Variants in CNIH3 observed in about 807,000 individuals in gnomAD.
CNIH3 encodes cornichon family AMPA receptor auxiliary protein 3.
A neutral mutation model predicts 24.1 loss-of-function variants in CNIH3; 14 were observed. The ratio of observed to expected loss-of-function variants is 0.58; its 90% confidence interval spans 0.38 to 0.91. The LOEUF is 0.91. Ranked by LOEUF, CNIH3 falls within the 40% of genes least tolerant of loss-of-function variation. CNIH3 has a pLI of 0.00. For synonymous variants in CNIH3, 68 were observed against 73.8 expected, an observed-to-expected ratio of 0.92 and a Z score of 0.40; for missense variants, 178 against 196.8, an observed-to-expected ratio of 0.90 and a Z score of 0.57.
chr1:224,573,792 A>G (rs535285571), intron 4 of CNIH3, among the ~76,000 whole-genome samples: 2 of 152,318 alleles, frequency 1.3e-5, no homozygotes, highest in South Asian at 4.1e-4. Flanking sequence ...AATGTGTGAT[A>G]AAAAGGTAAA....
In CNIH3 at chr1:224,597,185, A is replaced by C. The variant is rs559999895; in HGVS notation, n.402+30921A>C. ...AACAAACAAACAAACAAAAAAAAAAACAAAAACCAAACCAAACAAAACAAA... is the reference window on the plus strand; with the variant it reads ...AACAAACAAACAAACAAAAAAAAAACCAAAAACCAAACCAAACAAAACAAA... On this transcript the variant is annotated intron_variant and non_coding_transcript_variant, in intron 3 of 7. Coordinates refer to the CNIH3 transcript ENST00000478120. Among the ~76,000 whole-genome samples, 21 of 149,890 alleles carry C rather than the reference A, an allele frequency of 1.4e-4. No individual in the cohort carries two copies. In the East Asian group the frequency reaches 2.0e-3, roughly 14 times the overall value.
chr1:224,591,264 T>C (rs1472302987), downstream of CNIH3, among the ~76,000 whole-genome samples: 3 of 152,222 alleles, frequency 2.0e-5, no homozygotes, highest in Non-Finnish European at 2.9e-5. Context: ...GCCACTGTTC[T>C]CTCAGTACTG....
At chr1:224,550,106 A>C (rs1165079887) in intron 3 of CNIH3, among the ~76,000 whole-genome samples, 2 of 152,204 alleles carry the variant, frequency 1.3e-5, no homozygotes, top group Non-Finnish European at 1.5e-5. Context: ...TATTATAGAA[A>C]TATCAGTGAT....
At chr1:224,642,970 A>G (rs186265559) in intron 1 of CNIH3, among the ~76,000 whole-genome samples, 7 of 152,276 alleles carry the variant, frequency 4.6e-5, no homozygotes, top group African/African-American at 1.4e-4. Flanking sequence ...GTATCTGAAC[A>G]TGCAGGCCAA....
intron 2 of CNIH3, among the ~76,000 whole-genome samples, chr1:224,533,753 G>A (rs1157688228): frequency 3.9e-5 from 6 of 152,290 alleles, no homozygotes; most frequent in Admixed American, 3.9e-4. Context: ...CTGTCATACT[G>A]CATCAAGGCT....
At chr1:224,506,450 G>GC (rs1218381073) in intron 1 of CNIH3, among the ~76,000 whole-genome samples, 1 of 152,212 alleles carries the variant, frequency 6.6e-6, no homozygotes, top group African/African-American at 2.4e-5. Flanking sequence ...CCTGCTCGAT[G>GC]CCACCCTCCT....
intron 1 of CNIH3, among the ~76,000 whole-genome samples, chr1:224,623,595 G>A (rs772305046): frequency 1.8e-4 from 28 of 152,126 alleles, no homozygotes; most frequent in Non-Finnish European, 3.2e-4. Flanking sequence ...ACCCCTGACT[G>A]CCTCTGAGCA....
intron 1 of CNIH3, among the ~76,000 whole-genome samples, chr1:224,500,254 C>T (rs1271774257): frequency 6.6e-6 from 1 of 152,016 alleles, no homozygotes; most frequent in Non-Finnish European, 1.5e-5. Flanking sequence ...CTCAAGTCAT[C>T]CTCCCACCTC....
intron 3 of CNIH3, among the ~76,000 whole-genome samples, chr1:224,697,706 C>T (rs1466347291): frequency 6.6e-6 from 1 of 152,204 alleles, no homozygotes; most frequent in Admixed American, 6.5e-5. Flanking sequence ...CTCACCCTTC[C>T]AGGCACTCAT....
intron 3 of CNIH3, among the ~76,000 whole-genome samples, chr1:224,702,832 C>T (rs1965777): frequency 0.43 from 65,404 of 151,942 alleles, 15,457 homozygotes; most frequent in Middle Eastern, 0.57. Flanking sequence ...ACTTCTCTTT[C>T]CCCTCTCTTC....
rs184416554 is a variant in CNIH3, at chr1:224,460,512, C to T, written n.203+25650C>T. On this transcript the variant is annotated intron_variant and non_coding_transcript_variant, in intron 1 of 5. Coordinates refer to the CNIH3 transcript ENST00000471578. ...CTCTTCTTTTGTCTGTCTTCTTTCACGCAGCATAATTATTTTTTAGATTCT... is the reference window on the plus strand; with the variant it reads ...CTCTTCTTTTGTCTGTCTTCTTTCATGCAGCATAATTATTTTTTAGATTCT... 2.1e-4 allele frequency among the ~76,000 whole-genome samples: 32 copies of T among 152,254 alleles called. No homozygotes were observed. In the East Asian group the frequency reaches 5.2e-3, roughly 25 times the overall value.
downstream of CNIH3, among the ~76,000 whole-genome samples, chr1:224,589,431 C>T (rs1182096530): frequency 6.6e-6 from 1 of 152,180 alleles, no homozygotes; most frequent in Admixed American, 6.5e-5. Flanking sequence ...GGGTAAGTCA[C>T]GTACTTTTCT....
intron 1 of CNIH3, among the ~76,000 whole-genome samples, chr1:224,660,085 A>G (rs1344289997): frequency 2.0e-5 from 3 of 152,232 alleles, no homozygotes; most frequent in African/African-American, 4.8e-5. Context: ...TTCCAAGTCC[A>G]TAATTTAACC....
downstream of CNIH3, among the ~76,000 whole-genome samples, chr1:224,538,192 A>C (rs1367783904): frequency 6.6e-6 from 1 of 152,044 alleles, no homozygotes; most frequent in Admixed American, 6.6e-5. Context: ...CAAGTGATCC[A>C]TCCGCATCAG....
At chr1:224,447,420 C>T (rs1213508165) in intron 1 of CNIH3, among the ~76,000 whole-genome samples, 1 of 152,152 alleles carries the variant, frequency 6.6e-6, no homozygotes, top group East Asian at 1.9e-4. Flanking sequence ...CTATCTGGGC[C>T]CCCAGCCAGT....
At chr1:224,452,339 A>G (rs1366375322) in intron 1 of CNIH3, among the ~76,000 whole-genome samples, 2 of 151,684 alleles carry the variant, frequency 1.3e-5, no homozygotes, top group Non-Finnish European at 2.9e-5. Context: ...TAGTAGGGAC[A>G]GGGTTTCACC....
rs138698484 is a variant in CNIH3, at chr1:224,707,125, G to A, written c.198+22282G>A. 4.8e-3 allele frequency among the ~76,000 whole-genome samples: 730 copies of A among 151,648 alleles called. 7 individuals are homozygous for A. The highest frequency in any genetic ancestry group is 0.029 in the East Asian group (150 of 5,160). On this transcript the variant is annotated intron_variant, in intron 3 of 5. Coordinates refer to ENST00000272133, the MANE Select transcript of CNIH3 (RefSeq NM_152495.2). ...ACCACAGGTGTGTGCCACCACACCC[G>A]GCTAATTTTTGTATTTTTAGTAGAC... is the stretch of plus-strand genomic sequence containing the variant.
chr1:224,654,643 A>AGG (rs1214272344), intron 1 of CNIH3, among the ~76,000 whole-genome samples: 2 of 152,212 alleles, frequency 1.3e-5, no homozygotes, highest in African/African-American at 4.8e-5. Flanking sequence ...TCCATACAGC[A>AGG]GGTCACTTCC....
intron 3 of CNIH3, among the ~76,000 whole-genome samples, chr1:224,710,385 TTTTG>T (rs1688074519): frequency 6.6e-6 from 1 of 152,180 alleles, no homozygotes; most frequent in Non-Finnish European, 1.5e-5. Flanking sequence ...TTTGTTTGCT[TTTTG>T]TTTTTCTTGG....
Sources: allele counts gnomAD v4.1 joint callset (sites outside exome capture counted in the v4.1 genomes callset), GRCh38; gene constraint gnomAD v4.1.1; transcripts MANE v1.5; gene names NCBI Gene and HGNC (gene_info 2026-07-23, HGNC 2026-07-21).